The following IGF1 variants were observed in gnomAD, a reference collection of about 807,000 sequenced individuals.
IGF1 encodes the protein insulin like growth factor 1, also known as insulin-like growth factor 1.
IGF1 carries 4 observed loss-of-function variants against 13.8 expected under a neutral mutation model. The observed-to-expected ratio is 0.29, with a 90% CI of 0.14 to 0.66. The LOEUF (loss-of-function observed/expected upper bound fraction) is 0.66. Ranked by LOEUF, IGF1 falls within the 30% of genes least tolerant of loss-of-function variation. The probability of loss-of-function intolerance (pLI) is 0.78; values close to 1 mark genes in which losing one functional copy is unlikely to be tolerated. For missense variants in IGF1, 124 were observed against 188.5 expected (o/e 0.66, Z 2.00); for synonymous variants, 76 against 72.6 (o/e 1.05, Z -0.23).
intron 1 of IGF1, 114 bp downstream of exon 1, chr12:102,480,205 T>C: frequency 9.9e-7 from 1 of 1,010,108 alleles, no homozygotes; most frequent in Non-Finnish European, 1.5e-6. Context: ...TATAAATAAC[T>C]CTCGGTTCCG....
At chr12:102,469,145 C>T (rs2137240558) in intron 2 of IGF1, among the ~76,000 whole-genome samples, 1 of 152,330 alleles carries the variant, frequency 6.6e-6, no homozygotes, top group East Asian at 1.9e-4. Context: ...GGCGGTCTTG[C>T]ATCCCAACCA....
At chr12:102,462,871 A>G (rs1482035383) in intron 2 of IGF1, 1 of 152,200 alleles carries the variant, frequency 6.6e-6, no homozygotes, top group African/African-American at 2.4e-5. Context: ...TTTAATAGAG[A>G]ACATTTGCTG....
intron 3 of IGF1, among the ~76,000 whole-genome samples, chr12:102,405,302 G>A (rs963982769): frequency 2.0e-5 from 3 of 147,484 alleles, no homozygotes; most frequent in African/African-American, 7.3e-5. Flanking sequence ...TGGCCAGGCT[G>A]GTCTTGAACT....
chr12:102,472,004 T>G (rs974173864), intron 2 of IGF1, among the ~76,000 whole-genome samples: 22 of 152,210 alleles, frequency 1.4e-4, no homozygotes, highest in Non-Finnish European at 1.9e-4. Flanking sequence ...AAAATGAGGT[T>G]GTAATGAGCC....
chr12:102,418,705 C>G (rs180883845), intron 3 of IGF1, among the ~76,000 whole-genome samples: 4 of 152,120 alleles, frequency 2.6e-5, no homozygotes, highest in African/African-American at 9.7e-5. Flanking sequence ...CTCTTATATT[C>G]ATTTGTTCAT....
chr12:102,457,026 G>C (rs191230279), intron 2 of IGF1, among the ~76,000 whole-genome samples: 1 of 152,160 alleles, frequency 6.6e-6, no homozygotes, highest in Non-Finnish European at 1.5e-5. Flanking sequence ...GGCAGGCAGG[G>C]CTGACTGTAC....
At position 102,399,811 on chromosome 12, in the gene IGF1, G is replaced by A. The variant is rs1016217275; in HGVS notation, c.*2696C>T. On this transcript the variant is annotated 3_prime_UTR_variant, in exon 4 of 4. Coordinates refer to ENST00000337514, the MANE Select transcript of IGF1 (RefSeq NM_000618.5). ...AAACACGTTAAGTCTGCAGAAGACT[G>A]CCTATAAAGTTTTGTTGAGAGGGAA... 3 of 152,184 alleles carry A rather than the reference G, an allele frequency of 2.0e-5. No individual in the cohort carries two copies. Among genetic ancestry groups the A allele is most frequent in the Non-Finnish European group, 4.4e-5 (3 of 68,022 alleles). 9.4% of individuals were successfully genotyped at this position (152,184 alleles called of 1,614,324 possible). A position where few individuals can be genotyped will look rare whatever the true frequency, so the allele number is the denominator to read the frequency against.
intron 2 of IGF1, among the ~76,000 whole-genome samples, chr12:102,466,723 A>T (rs1366383194): frequency 1.3e-5 from 2 of 152,046 alleles, no homozygotes; most frequent in Non-Finnish European, 2.9e-5. Context: ...GCAACATGGT[A>T]AAACCCCATC....
At chr12:102,442,622 A>C in intron 2 of IGF1, among the ~76,000 whole-genome samples, 1 of 152,210 alleles carries the variant, frequency 6.6e-6, no homozygotes, top group Non-Finnish European at 1.5e-5. Flanking sequence ...CAAGTTTATT[A>C]ATTGCTTCTG....
chr12:102,402,678 T>C (rs191847837), intron 3 of IGF1, 112 bp from the exon 4 acceptor site: 8 of 751,280 alleles, frequency 1.1e-5, no homozygotes, highest in Admixed American at 1.8e-5. Context: ...GTTGAGCTAA[T>C]AGAGAGCTTG....
intron 2 of IGF1, among the ~76,000 whole-genome samples, chr12:102,429,385 A>G (rs1055626192): frequency 4.6e-5 from 7 of 152,234 alleles, no homozygotes; most frequent in African/African-American, 1.7e-4. Context: ...AGCAAACTCA[A>G]GGTCAACTGA....
chr12:102,445,588 C>T (rs941660630), intron 2 of IGF1, among the ~76,000 whole-genome samples: 2 of 152,164 alleles, frequency 1.3e-5, no homozygotes, highest in Non-Finnish European at 2.9e-5. Context: ...ATTGATTTTG[C>T]ATCCTGAGAC....
intron 1 of IGF1, 55 bp downstream of exon 1, chr12:102,480,264 A>G: frequency 1.3e-6 from 2 of 1,506,206 alleles, no homozygotes; most frequent in South Asian, 2.3e-5. Context: ...AGAAGCAAAC[A>G]GTACACAATT....
intron 2 of IGF1, among the ~76,000 whole-genome samples, chr12:102,466,246 G>A (rs1413633083): frequency 6.6e-6 from 1 of 152,182 alleles, no homozygotes; most frequent in Admixed American, 6.5e-5. Context: ...CATAGGCTCT[G>A]GATTAAACAG....
chr12:102,450,556 C>T (rs1221945304), intron 2 of IGF1, among the ~76,000 whole-genome samples: 3 of 152,192 alleles, frequency 2.0e-5, no homozygotes, highest in Admixed American at 1.3e-4. Flanking sequence ...TCTTCGCCTT[C>T]CATCTGAAGG....
intron 2 of IGF1, among the ~76,000 whole-genome samples, chr12:102,449,949 G>GT (rs1878770351): frequency 6.6e-6 from 1 of 152,006 alleles, no homozygotes; most frequent in African/African-American, 2.4e-5. Context: ...TTCTCCTTTC[G>GT]TCTCATCCAG....
intron 2 of IGF1, among the ~76,000 whole-genome samples, chr12:102,438,306 C>T (rs1165809960): frequency 6.6e-6 from 1 of 152,224 alleles, no homozygotes; most frequent in East Asian, 1.9e-4. Flanking sequence ...TTTGGAATCA[C>T]ATCCCAAATG....
At chr12:102,479,072 A>G (rs546357411) in intron 1 of IGF1, among the ~76,000 whole-genome samples, 3 of 152,246 alleles carry the variant, frequency 2.0e-5, no homozygotes, top group Non-Finnish European at 4.4e-5. Context: ...TAATGCAGAG[A>G]TAACGCTCCA....
intron 2 of IGF1, among the ~76,000 whole-genome samples, chr12:102,462,108 C>T (rs1188516477): frequency 6.6e-6 from 1 of 152,176 alleles, no homozygotes; most frequent in African/African-American, 2.4e-5. Flanking sequence ...TAGCAAGACT[C>T]TATGTCTATG....
Sources: gnomAD v4.1 joint callset for allele counts (sites outside exome capture counted in the v4.1 genomes callset) on GRCh38, gnomAD v4.1.1 for gene constraint, MANE v1.5 for transcripts, NCBI Gene and HGNC (gene_info 2026-07-23, HGNC 2026-07-21) for gene names.